The following THSD7B variants were observed in gnomAD, a reference collection of about 807,000 sequenced individuals.
The protein encoded by THSD7B is thrombospondin type-1 domain-containing protein 7B.
Under a neutral mutation model 213.6 loss-of-function variants are expected in THSD7B, and 138 were observed. The observed-to-expected ratio is 0.65, with a 90% CI of 0.56 to 0.74. The LOEUF is 0.74. Among genes scored for constraint, THSD7B ranks in the 30% least tolerant of loss-of-function variants. THSD7B has a pLI of 0.00. For missense variants in THSD7B, 1,931 were observed against 1,991.5 expected (o/e 0.97, Z 0.58); for synonymous variants, 742 against 687.0 (o/e 1.08, Z -1.25).
At chr2:137,459,793 T>A (rs1267119452) in intron 15 of THSD7B, among the ~76,000 whole-genome samples, 1 of 152,128 alleles carries the variant, frequency 6.6e-6, no homozygotes, top group Non-Finnish European at 1.5e-5. Context: ...TCACTGGGAT[T>A]GGGAGGAGAC....
chr2:137,325,289 T>C (rs557749606), intron 12 of THSD7B, among the ~76,000 whole-genome samples: 1 of 152,320 alleles, frequency 6.6e-6, no homozygotes, highest in African/African-American at 2.4e-5. Context: ...GCAGTTAACC[T>C]CACTTTGACT....
intron 15 of THSD7B, among the ~76,000 whole-genome samples, chr2:137,494,331 A>C (rs1679509875): frequency 6.6e-6 from 1 of 152,194 alleles, no homozygotes; most frequent in Non-Finnish European, 1.5e-5. Context: ...AGAGCAGACT[A>C]TATCAACTAA....
chr2:137,143,436 A>G (rs111429000), intron 5 of THSD7B, among the ~76,000 whole-genome samples: 7,766 of 152,160 alleles, frequency 0.051, 611 homozygotes, highest in African/African-American at 0.16. Flanking sequence ...GGTGGAAAGG[A>G]GGGATTTAGG....
At chr2:137,313,093 T>G (rs1683962119) in intron 12 of THSD7B, among the ~76,000 whole-genome samples, 1 of 151,956 alleles carries the variant, frequency 6.6e-6, no homozygotes, top group Admixed American at 6.6e-5. Context: ...ATCTGTCTAA[T>G]GTTGACAGTG....
At chr2:137,360,989 T>A (rs1422556557) in intron 12 of THSD7B, among the ~76,000 whole-genome samples, 2 of 152,122 alleles carry the variant, frequency 1.3e-5, no homozygotes, top group Non-Finnish European at 2.9e-5. Flanking sequence ...TGGGTGCCCC[T>A]CTAAGATGAA....
chr2:137,592,849 C>A (rs1681891503), intron 17 of THSD7B, among the ~76,000 whole-genome samples: 1 of 151,930 alleles, frequency 6.6e-6, no homozygotes, highest in Non-Finnish European at 1.5e-5. Context: ...TTTGATGCTG[C>A]TTTTCAGTGT....
intron 2 of THSD7B, among the ~76,000 whole-genome samples, chr2:137,044,471 T>C (rs1444579948): frequency 6.6e-6 from 1 of 152,162 alleles, no homozygotes; most frequent in Admixed American, 6.5e-5. Context: ...TAGCTTTTCT[T>C]GTACAAAAGT....
intron 7 of THSD7B, among the ~76,000 whole-genome samples, chr2:137,185,885 C>T (rs982251287): frequency 1.5e-4 from 23 of 152,212 alleles, no homozygotes; most frequent in African/African-American, 4.1e-4. Context: ...CTTTTCTCTA[C>T]GGCCTTGCCA....
At chr2:136,916,361 C>T (rs1684348013) in intron 2 of THSD7B, among the ~76,000 whole-genome samples, 3 of 152,102 alleles carry the variant, frequency 2.0e-5, no homozygotes, top group South Asian at 2.1e-4. Flanking sequence ...ATGAAGCAGA[C>T]CTGGTAAAAA....
intron 1 of THSD7B, among the ~76,000 whole-genome samples, chr2:136,870,004 A>G (rs963588459): frequency 8.6e-5 from 13 of 150,746 alleles, no homozygotes; most frequent in African/African-American, 3.2e-4. Context: ...ACTGGAAGGC[A>G]GATGTTGCAG....
chr2:136,985,750 TTATG>T (rs1448869203), intron 2 of THSD7B, among the ~76,000 whole-genome samples: 2 of 152,148 alleles, frequency 1.3e-5, no homozygotes, highest in African/African-American at 4.8e-5. Context: ...GACCTGAGAA[TTATG>T]TAGCCACCAG....
At chr2:136,945,890 G>T (rs962696996) in intron 2 of THSD7B, among the ~76,000 whole-genome samples, 56 of 151,956 alleles carry the variant, frequency 3.7e-4, no homozygotes, top group Non-Finnish European at 7.4e-5. Flanking sequence ...TTAGTTCCTT[G>T]TGATGGGTTT....
intron 2 of THSD7B, among the ~76,000 whole-genome samples, chr2:137,031,294 G>A (rs9750851): frequency 3.7e-4 from 57 of 152,282 alleles, no homozygotes; most frequent in African/African-American, 1.2e-3. Flanking sequence ...GCAGTAAGCC[G>A]AGATCATGCC....
intron 15 of THSD7B, among the ~76,000 whole-genome samples, chr2:137,504,648 G>C (rs1003747875): frequency 8.5e-5 from 13 of 152,164 alleles, no homozygotes; most frequent in Non-Finnish European, 1.9e-4. Flanking sequence ...TGTCTTTTCT[G>C]TGGAGTCATC....
chr2:137,276,147 A>G, intron 12 of THSD7B, 121 bp downstream of exon 12: 1 of 714,414 alleles, frequency 1.4e-6, no homozygotes, highest in Non-Finnish European at 2.2e-6. Flanking sequence ...AATTATTCAT[A>G]TTTATTGATG....
At chr2:137,549,310 CTTTTTTT>C (rs1027305359) in intron 15 of THSD7B, among the ~76,000 whole-genome samples, 20 of 25,234 alleles carry the variant, frequency 7.9e-4, no homozygotes, top group Admixed American at 5.3e-3. Flanking sequence ...TTCAGATGCT[CTTTTTTT>C]TTTTTTTTTT....
At chr2:137,665,814 G>C (rs1161525961) in intron 26 of THSD7B, among the ~76,000 whole-genome samples, 3 of 152,122 alleles carry the variant, frequency 2.0e-5, no homozygotes, top group Non-Finnish European at 1.5e-5. Flanking sequence ...GGGATACTAA[G>C]AAGAGGTAGA....
intron 12 of THSD7B, among the ~76,000 whole-genome samples, chr2:137,306,443 T>C (rs960685655): frequency 2.0e-5 from 3 of 152,160 alleles, no homozygotes; most frequent in Non-Finnish European, 4.4e-5. Flanking sequence ...TTCCTTTTTC[T>C]TCAAACTTTA....
intron 17 of THSD7B, among the ~76,000 whole-genome samples, chr2:137,615,074 T>C (rs1682359051): frequency 6.6e-6 from 1 of 152,170 alleles, no homozygotes; most frequent in East Asian, 1.9e-4. Flanking sequence ...TGTTTAATGG[T>C]ATTTGTTGAA....
Sources: allele counts gnomAD v4.1 joint callset (sites outside exome capture counted in the v4.1 genomes callset), GRCh38; gene constraint gnomAD v4.1.1; transcripts MANE v1.5; gene names NCBI Gene and HGNC (gene_info 2026-07-23, HGNC 2026-07-21).